PTPRB: variants seen among roughly 807,000 people sequenced by gnomAD.
PTPRB encodes receptor-type tyrosine-protein phosphatase beta.
In PTPRB, 97 loss-of-function variants were observed where a neutral mutation model predicts 238.1. The observed-to-expected ratio is 0.41, with a 90% CI of 0.35 to 0.48. The LOEUF is 0.48. Ranked by LOEUF, PTPRB falls within the 20% of genes least tolerant of loss-of-function variation. The probability of loss-of-function intolerance (pLI) is 0.30; values close to 1 mark genes in which losing one functional copy is unlikely to be tolerated. For synonymous variants in PTPRB, 970 were observed against 995.4 expected (o/e 0.97, Z 0.48); for missense variants, 2,292 against 2,681.9 (o/e 0.85, Z 3.21).
At chr12:70,532,199 C>G in intron 31 of PTPRB, 29 bp from the exon 32 acceptor site, 2 of 1,535,406 alleles carry the variant, frequency 1.3e-6, no homozygotes, top group Non-Finnish European at 1.7e-6. Flanking sequence ...GAAGATTGAG[C>G]CTTTTTATTA....
chr12:70,537,762 A>G (rs1485532564), intron 28 of PTPRB, among the ~76,000 whole-genome samples: 1 of 152,158 alleles, frequency 6.6e-6, no homozygotes, highest in African/African-American at 2.4e-5. Flanking sequence ...CCAAAACCAG[A>G]GCCCAAAGAT....
chr12:70,625,628 A>G (rs1396529522), intron 2 of PTPRB, among the ~76,000 whole-genome samples: 1 of 151,848 alleles, frequency 6.6e-6, no homozygotes, highest in East Asian at 1.9e-4. Context: ...AGATCTTTGG[A>G]TATTTTGTTA....
intron 16 of PTPRB, among the ~76,000 whole-genome samples, chr12:70,562,217 G>C (rs564752057): frequency 6.6e-6 from 1 of 152,170 alleles, no homozygotes. Context: ...CCAGGTGGTC[G>C]AGGCTGCAGG....
intron 26 of PTPRB, chr12:70,539,406 C>T: frequency 1.7e-6 from 1 of 572,182 alleles, no homozygotes; most frequent in South Asian, 2.4e-5. Flanking sequence ...CCAGGTAGCC[C>T]TTGGTTTGCT....
Position 70,534,967 on chromosome 12 carries a change from C to T in PTPRB, c.6082-12G>A. ...TGATCACACTTTACCTAGAACAGGA[C>T]AGACAGAAAAAACATGAGTCCGGAA... On this transcript the variant is annotated splice_polypyrimidine_tract_variant and intron_variant, in intron 29 of 33. Transcript: ENST00000334414. The T allele has an allele frequency of 6.2e-7, 1 of 1,603,092 alleles. No homozygotes were observed. The highest frequency in any genetic ancestry group is 1.1e-5 in the South Asian group (1 of 90,082).
intron 4 of PTPRB, among the ~76,000 whole-genome samples, chr12:70,605,351 GTCTA>G (rs920008510): frequency 2.0e-5 from 3 of 151,920 alleles, no homozygotes; most frequent in Admixed American, 6.6e-5. Flanking sequence ...CTATATATTG[GTCTA>G]TCTATCTCTT....
At chr12:70,599,685 G>T (rs775705853) in intron 4 of PTPRB, among the ~76,000 whole-genome samples, 7 of 152,150 alleles carry the variant, frequency 4.6e-5, no homozygotes, top group Non-Finnish European at 7.3e-5. Context: ...ACCAGCACCA[G>T]AAAGCCCCAG....
chr12:70,601,790 C>CTTTTT (rs200227553), intron 4 of PTPRB, among the ~76,000 whole-genome samples: 11 of 127,538 alleles, frequency 8.6e-5, no homozygotes, highest in Non-Finnish European at 1.2e-4. Flanking sequence ...TTTCTTTTTT[C>CTTTTT]TTTTTTTTTT....
chr12:70,519,455 T>C lies in PTPRB; in HGVS notation c.*2034A>G, dbSNP rs1367968047. On this transcript the variant is annotated 3_prime_UTR_variant, in exon 34 of 34. Transcript: ENST00000334414. Reference sequence around the variant, plus strand: ...AACAACAATCCTAACTTTATGAGGATTCTCTTTATGTGAGTAGAAATGTGT... The same window carrying C: ...AACAACAATCCTAACTTTATGAGGACTCTCTTTATGTGAGTAGAAATGTGT... The C allele has an allele frequency of 6.6e-6, 1 of 152,190 alleles. No homozygotes were observed. Among genetic ancestry groups the C allele is most frequent in the Non-Finnish European group, 1.5e-5 (1 of 68,042 alleles). The allele number at this position is 152,190 out of a possible 1,614,324, so 9.4% of individuals were successfully genotyped here.
At chr12:70,617,758 A>G (rs1313432564) in intron 3 of PTPRB, among the ~76,000 whole-genome samples, 1 of 151,470 alleles carries the variant, frequency 6.6e-6, no homozygotes, top group Non-Finnish European at 1.5e-5. Flanking sequence ...AAGGCCAAAT[A>G]GAAGGAAACA....
rs1885654938 is a variant in PTPRB, at chr12:70,635,777, G to T, written c.345C>A (p.Gly115=). ...ENASLFLQKQ[G]SRVVVKKARK... ...TGGCCTTCTTGACCACTACTCTGGAGCCTTGTTTCTGGAGAAAGAGAGAGG... is the reference window on the plus strand; with the variant it reads ...TGGCCTTCTTGACCACTACTCTGGATCCTTGTTTCTGGAGAAAGAGAGAGG... Residue 115 remains glycine (G), a synonymous_variant, in exon 2 of 34, where the codon GGC becomes GGA. Transcript: ENST00000334414. The T allele has an allele frequency of 1.2e-6, 2 of 1,613,870 alleles. No homozygotes were observed. Among genetic ancestry groups the T allele is most frequent in the African/African-American group, 2.7e-5 (2 of 75,020 alleles).
chr12:70,539,979 C>G lies in PTPRB; in HGVS notation c.5638G>C (p.Asp1880His), dbSNP rs1240271806. The G allele has an allele frequency of 6.2e-7, 1 of 1,612,328 alleles. No homozygotes were observed. Among genetic ancestry groups the G allele is most frequent in the East Asian group, 2.2e-5 (1 of 44,854 alleles). ...TTTAAGTGGACAGATAATGGTCGAT[C>G]CCTACGAATGCTCAGACGGGCAGAG... ...RPSARLSIRR[D>H]RPLSVHLNLG... The change falls in exon 24 of 34, where the codon GAT (aspartate) becomes CAT (histidine). Residue 1880 changes from aspartate to histidine, a missense_variant. By Grantham distance (81) the Asp-to-His change is moderately conservative. This residue lies in a region of PTPRB where 397 missense variants were observed against 502.0 expected (regional missense o/e 0.79). Transcript: ENST00000334414.
At chr12:70,626,420 T>C (rs1271878465) in intron 2 of PTPRB, among the ~76,000 whole-genome samples, 1 of 150,866 alleles carries the variant, frequency 6.6e-6, no homozygotes, top group Admixed American at 6.7e-5. Context: ...CCTACCTACC[T>C]ACCTAATCTA....
intron 3 of PTPRB, chr12:70,609,935 C>T (rs964639215): frequency 2.3e-6 from 2 of 870,170 alleles, no homozygotes; most frequent in African/African-American, 1.8e-5. Context: ...CAGCGCGCTT[C>T]CCTCGGGGCT....
At chr12:70,529,585 C>G (rs73330201) in intron 32 of PTPRB, among the ~76,000 whole-genome samples, 4,327 of 152,112 alleles carry the variant, frequency 0.028, 217 homozygotes, top group African/African-American at 0.098. Context: ...GGAAAACAGG[C>G]TCCCACCCTC....
chr12:70,594,258 C>T (rs1882779421), intron 6 of PTPRB, among the ~76,000 whole-genome samples: 1 of 152,150 alleles, frequency 6.6e-6, no homozygotes, highest in Non-Finnish European at 1.5e-5. Context: ...TTAACTTTGC[C>T]TACTTCAAAA....
At chr12:70,619,038 C>A (rs999029055) in intron 3 of PTPRB, among the ~76,000 whole-genome samples, 11 of 152,088 alleles carry the variant, frequency 7.2e-5, no homozygotes, top group African/African-American at 2.7e-4. Context: ...CAACATAGGA[C>A]AATCTTGCAG....
At position 70,577,168 on chromosome 12, in the gene PTPRB, C is replaced by T. The variant is rs185023178; in HGVS notation, c.2579-523G>A. On this transcript the variant is annotated intron_variant, in intron 10 of 33. Coordinates refer to ENST00000334414, the MANE Select transcript of PTPRB (RefSeq NM_001109754.4). ...TTCATTCCTGGGAAGTAATAGCTAA[C>T]ACAACCAGAGGGACCGTTTTCCCTT... Among the ~76,000 whole-genome samples the T allele has an allele frequency of 1.2e-4, 18 of 152,258 alleles. No homozygotes were observed. In the East Asian group the frequency reaches 2.9e-3, roughly 25 times the overall value.
chr12:70,594,000 A>G (rs551784810), intron 6 of PTPRB, among the ~76,000 whole-genome samples: 1 of 152,350 alleles, frequency 6.6e-6, no homozygotes, highest in Admixed American at 6.5e-5. Flanking sequence ...TTCATTTATT[A>G]GTCTAGGGTA....
Sources: allele counts gnomAD v4.1 joint callset (sites outside exome capture counted in the v4.1 genomes callset), GRCh38; gene constraint gnomAD v4.1.1; regional missense constraint gnomAD v4.1.1; transcripts MANE v1.5; gene names NCBI Gene and HGNC (gene_info 2026-07-23, HGNC 2026-07-21).